The following CEP128 variants were observed in gnomAD, a reference collection of about 807,000 sequenced individuals.
CEP128 encodes the protein centrosomal protein 128, also known as centrosomal protein 128kDa.
A neutral mutation model predicts 156.7 loss-of-function variants in CEP128; 132 were observed. The ratio of observed to expected loss-of-function variants is 0.84; its 90% CI spans 0.73 to 0.97. CEP128 has a LOEUF of 0.97. Among genes scored for constraint, CEP128 ranks in the 50% least tolerant of loss-of-function variants. The pLI is 0.00. For missense variants in CEP128, 1,252 were observed against 1,281.9 expected, an observed-to-expected ratio of 0.98 and a Z score of 0.36; for synonymous variants, 469 against 448.9, an observed-to-expected ratio of 1.04 and a Z score of -0.57.
intron 19 of CEP128, among the ~76,000 whole-genome samples, chr14:80,692,956 A>G (rs536588721): frequency 3.9e-5 from 6 of 152,312 alleles, no homozygotes; most frequent in African/African-American, 1.4e-4. Context: ...TTTAATGTGC[A>G]TTTAATTCCA....
intron 13 of CEP128, among the ~76,000 whole-genome samples, chr14:80,802,337 T>A (rs1254376049): frequency 6.6e-6 from 1 of 152,124 alleles, no homozygotes; most frequent in African/African-American, 2.4e-5. Context: ...TATATATACA[T>A]CATGGAATAC....
At chr14:80,499,944 C>T (rs918606916) in intron 24 of CEP128, among the ~76,000 whole-genome samples, 5 of 152,164 alleles carry the variant, frequency 3.3e-5, no homozygotes, top group Non-Finnish European at 5.9e-5. Context: ...TCCTGACTCA[C>T]GGCCATAACT....
At chr14:80,727,140 T>C (rs1401618869) in intron 19 of CEP128, among the ~76,000 whole-genome samples, 1 of 152,136 alleles carries the variant, frequency 6.6e-6, no homozygotes, top group East Asian at 1.9e-4. Flanking sequence ...GAAATGTTCC[T>C]GAGGCCAAAC....
At chr14:80,556,576 T>C (rs971405513) in intron 21 of CEP128, among the ~76,000 whole-genome samples, 14 of 152,260 alleles carry the variant, frequency 9.2e-5, no homozygotes, top group Admixed American at 6.5e-4. Context: ...AGATAGATAA[T>C]TGGTGGCAAG....
At chr14:80,860,337 A>G (rs1201224024) in intron 9 of CEP128, among the ~76,000 whole-genome samples, 1 of 152,164 alleles carries the variant, frequency 6.6e-6, no homozygotes, top group Non-Finnish European at 1.5e-5. Flanking sequence ...GTGATCTCCT[A>G]TTGTATTGTC....
At chr14:80,581,998 AC>A (rs149769626) in intron 19 of CEP128, among the ~76,000 whole-genome samples, 2,371 of 152,338 alleles carry the variant, frequency 0.016, 27 homozygotes, top group Middle Eastern at 0.034. Context: ...AAGAGGCCTC[AC>A]ACATTTCCAC....
chr14:80,955,847 C>T lies in CEP128; in HGVS notation c.-172+2331G>A, dbSNP rs781625203. The T allele has an allele frequency of 1.7e-5, 28 of 1,614,080 alleles. No homozygotes were observed. The highest frequency in any genetic ancestry group is 9.9e-5 in the South Asian group (9 of 91,092). ...CCCAGCTTACCGCCCAGTACGCAGA[C>T]TCTGTGAGTACCCGGGAGAGATCAG... On this transcript the variant is annotated intron_variant, in intron 2 of 7. Transcript: ENST00000555529.
intron 22 of CEP128, among the ~76,000 whole-genome samples, chr14:80,528,037 C>G (rs2140268651): frequency 6.6e-6 from 1 of 152,010 alleles, no homozygotes; most frequent in East Asian, 1.9e-4. Flanking sequence ...GATTTAGTGT[C>G]CCTCAAAGTC....
chr14:80,676,057 T>C (rs905573776), intron 19 of CEP128, among the ~76,000 whole-genome samples: 1 of 152,152 alleles, frequency 6.6e-6, no homozygotes, highest in African/African-American at 2.4e-5. Context: ...TCCTAAATAT[T>C]TTAGAACCAG....
intron 19 of CEP128, among the ~76,000 whole-genome samples, chr14:80,662,884 T>C (rs1311915889): frequency 6.6e-6 from 1 of 152,164 alleles, no homozygotes; most frequent in African/African-American, 2.4e-5. Flanking sequence ...TAAACAAATG[T>C]AGCTACCAAG....
At chr14:80,487,069 A>T (rs1287258311), downstream of CEP128, among the ~76,000 whole-genome samples, 1 of 152,152 alleles carries the variant, frequency 6.6e-6, no homozygotes, top group Non-Finnish European at 1.5e-5. Flanking sequence ...CAATTAAAAG[A>T]CACAAACTGG....
chr14:80,493,537 G>A (rs1207026282), downstream of CEP128, among the ~76,000 whole-genome samples: 2 of 152,130 alleles, frequency 1.3e-5, no homozygotes, highest in East Asian at 1.9e-4. Context: ...TTGCACCCAC[G>A]TTAGAATACA....
chr14:80,693,240 C>T (rs1896777252), intron 19 of CEP128, among the ~76,000 whole-genome samples: 1 of 152,132 alleles, frequency 6.6e-6, no homozygotes, highest in South Asian at 2.1e-4. Flanking sequence ...AACCTGTTTT[C>T]AAGTCCCCTG....
At chr14:80,883,416 T>A (rs1218203746) in intron 8 of CEP128, among the ~76,000 whole-genome samples, 1 of 151,880 alleles carries the variant, frequency 6.6e-6, no homozygotes, top group African/African-American at 2.4e-5. Context: ...AAAATCAACA[T>A]ACAAAACTCA....
At chr14:80,713,605 C>T (rs1292767326) in intron 19 of CEP128, among the ~76,000 whole-genome samples, 1 of 152,124 alleles carries the variant, frequency 6.6e-6, no homozygotes, top group Non-Finnish European at 1.5e-5. Flanking sequence ...AAGTAAGTAT[C>T]TACACTAGTG....
chr14:80,547,719 C>T (rs1890043668), intron 21 of CEP128, among the ~76,000 whole-genome samples: 1 of 151,950 alleles, frequency 6.6e-6, no homozygotes, highest in Admixed American at 6.5e-5. Context: ...ATAGTAACTA[C>T]TGGCAACATA....
intron 19 of CEP128, among the ~76,000 whole-genome samples, chr14:80,641,146 A>G (rs1044951406): frequency 4.6e-5 from 7 of 152,176 alleles, no homozygotes; most frequent in African/African-American, 1.7e-4. Flanking sequence ...TTCTCTCTGC[A>G]TCCATAACCA....
chr14:80,760,383 A>G (rs886905561), intron 17 of CEP128, among the ~76,000 whole-genome samples: 1 of 152,136 alleles, frequency 6.6e-6, no homozygotes, highest in Non-Finnish European at 1.5e-5. Flanking sequence ...CTTGACTGCA[A>G]GAGAATTAGT....
At chr14:80,676,472 C>A (rs1335445925) in intron 19 of CEP128, among the ~76,000 whole-genome samples, 3 of 151,878 alleles carry the variant, frequency 2.0e-5, no homozygotes, top group African/African-American at 4.8e-5. Flanking sequence ...ATAATCAGAT[C>A]ATCTCCAAAG....
Sources: allele counts gnomAD v4.1 joint callset (sites outside exome capture counted in the v4.1 genomes callset), GRCh38; gene constraint gnomAD v4.1.1; transcripts MANE v1.5; gene names NCBI Gene and HGNC (gene_info 2026-07-23, HGNC 2026-07-21).